SV2C: variants seen among roughly 807,000 people sequenced by gnomAD.
SV2C encodes the protein solute carrier family 22 member B3.
Under a neutral mutation model 79.7 loss-of-function variants are expected in SV2C, and 49 were observed. That is an observed-to-expected ratio of 0.61 (90% CI 0.49 to 0.78). SV2C has a LOEUF of 0.78. SV2C is among the 30% of genes least tolerant of loss of function. The pLI, the probability that SV2C is intolerant of heterozygous loss-of-function variation, is 0.00. For synonymous variants in SV2C, 334 were observed against 333.2 expected (o/e 1.00, Z -0.03); for missense variants, 833 against 912.9 (o/e 0.91, Z 1.13).
At chr5:76,058,740 A>G in the SV2C span, among the ~76,000 whole-genome samples, 12 of 152,278 alleles carry the variant, frequency 7.9e-5, no homozygotes, top group African/African-American at 2.9e-4. Flanking sequence ...AAATTAGTAT[A>G]GTAAAGCAAA....
intron 4 of SV2C, chr5:76,281,188 AG>A (rs1747182761): frequency 3.7e-6 from 2 of 535,130 alleles, no homozygotes; most frequent in Non-Finnish European, 7.6e-6. Flanking sequence ...CCTTAAAAAA[AG>A]TAAGCCGACA....
chr5:75,862,590 A>G, the SV2C span, among the ~76,000 whole-genome samples: 1 of 152,206 alleles, frequency 6.6e-6, no homozygotes, highest in Non-Finnish European at 1.5e-5. Context: ...AGTCTGAACC[A>G]GCTGGACTTC....
chr5:76,050,500 T>C, the SV2C span, among the ~76,000 whole-genome samples: 1 of 152,236 alleles, frequency 6.6e-6, no homozygotes, highest in Non-Finnish European at 1.5e-5. Context: ...GGCTGGAGAA[T>C]GTTGGAATAT....
At chr5:76,030,707 A>T in the SV2C span, among the ~76,000 whole-genome samples, 1 of 151,670 alleles carries the variant, frequency 6.6e-6, no homozygotes, top group Non-Finnish European at 1.5e-5. Flanking sequence ...GGCTGCAGTG[A>T]GCTGAGATCG....
chr5:75,926,671 T>C, the SV2C span, among the ~76,000 whole-genome samples: 1 of 152,182 alleles, frequency 6.6e-6, no homozygotes, highest in South Asian at 2.1e-4. Context: ...TGCTGACAAA[T>C]AGAAAAAAGA....
intron 2 of SV2C, among the ~76,000 whole-genome samples, chr5:76,136,891 A>T (rs1374810251): frequency 6.6e-5 from 10 of 152,184 alleles, no homozygotes; most frequent in Admixed American, 6.5e-4. Flanking sequence ...GACAGGTCAC[A>T]TTGTGGATAT....
downstream of SV2C, among the ~76,000 whole-genome samples, chr5:76,338,104 G>A (rs1177242704): frequency 6.6e-6 from 1 of 152,228 alleles, no homozygotes; most frequent in Non-Finnish European, 1.5e-5. Flanking sequence ...GTAATTTGCA[G>A]TCCAGACACC....
the SV2C span, among the ~76,000 whole-genome samples, chr5:75,947,033 C>T: frequency 1.6e-4 from 25 of 152,184 alleles, no homozygotes; most frequent in South Asian, 1.7e-3. Context: ...CATGCCTTCA[C>T]GTCTGAAAGT....
the SV2C span, among the ~76,000 whole-genome samples, chr5:75,945,267 A>G: frequency 5.9e-5 from 9 of 152,146 alleles, no homozygotes; most frequent in African/African-American, 2.2e-4. Flanking sequence ...AATAATTAAT[A>G]TTTATAGAAA....
chr5:76,034,314 C>G, the SV2C span, among the ~76,000 whole-genome samples: 10 of 152,142 alleles, frequency 6.6e-5, no homozygotes, highest in Admixed American at 5.2e-4. Flanking sequence ...AGAGGGCATC[C>G]CTGTCTTGTG....
the SV2C span, among the ~76,000 whole-genome samples, chr5:75,855,023 G>A: frequency 2.0e-5 from 3 of 152,032 alleles, no homozygotes; most frequent in Non-Finnish European, 2.9e-5. Flanking sequence ...CTTTATTCTT[G>A]TAGATTTATA....
intron 1 of SV2C, among the ~76,000 whole-genome samples, chr5:76,102,253 C>T (rs552072472): frequency 2.0e-5 from 3 of 152,282 alleles, no homozygotes; most frequent in African/African-American, 7.2e-5. Context: ...TTGATGGCAT[C>T]ATGCTCTCCT....
intron 4 of SV2C, among the ~76,000 whole-genome samples, chr5:76,263,135 T>A (rs536392784): frequency 6.6e-6 from 1 of 152,310 alleles, no homozygotes; most frequent in Non-Finnish European, 1.5e-5. Flanking sequence ...TGCAAATATA[T>A]TTAGGATAGT....
chr5:76,042,909 T>G, the SV2C span, among the ~76,000 whole-genome samples: 1 of 152,220 alleles, frequency 6.6e-6, no homozygotes, highest in Admixed American at 6.5e-5. Context: ...CAATGTGACC[T>G]TGCCAAGAAA....
chr5:75,944,477 A>G, the SV2C span, among the ~76,000 whole-genome samples: 1 of 152,156 alleles, frequency 6.6e-6, no homozygotes, highest in African/African-American at 2.4e-5. Flanking sequence ...ACTACAGCCT[A>G]TCTCTCCCCC....
At chr5:75,880,512 C>T in the SV2C span, among the ~76,000 whole-genome samples, 2 of 152,206 alleles carry the variant, frequency 1.3e-5, no homozygotes, top group Non-Finnish European at 2.9e-5. Context: ...ATCCCTAAAA[C>T]ATGAACACAA....
intron 1 of SV2C, 73 bp from the exon 2 acceptor site, chr5:76,131,577 T>A: frequency 4.6e-6 from 2 of 434,376 alleles, no homozygotes; most frequent in Non-Finnish European, 7.9e-6. Context: ...TGAAAAGAGG[T>A]CAAGAAATAG....
upstream of SV2C, chr5:76,079,572 G>T: frequency 6.2e-6 from 2 of 323,880 alleles, no homozygotes; most frequent in South Asian, 6.7e-5. Flanking sequence ...TTTGACCCAT[G>T]AATGAATGTA....
chr5:75,952,691 T>A, the SV2C span, among the ~76,000 whole-genome samples: 1 of 151,808 alleles, frequency 6.6e-6, no homozygotes, highest in Non-Finnish European at 1.5e-5. Flanking sequence ...TCTTCCACCA[T>A]GGGTAAATGC....
Sources: allele counts gnomAD v4.1 joint callset (sites outside exome capture counted in the v4.1 genomes callset), GRCh38; gene constraint gnomAD v4.1.1; transcripts MANE v1.5; gene names NCBI Gene and HGNC (gene_info 2026-07-23, HGNC 2026-07-21).